Variants in FAM227B observed in about 807,000 individuals in gnomAD.
FAM227B encodes protein FAM227B.
In FAM227B, 88 loss-of-function variants were observed where a neutral mutation model predicts 73.8. The observed-to-expected ratio is 1.19, with a 90% CI of 1.00 to 1.42. The LOEUF (loss-of-function observed/expected upper bound fraction) is 1.42. Ranked by LOEUF, FAM227B falls within the 40% of genes most tolerant of loss-of-function variation. The pLI is 0.00. For missense variants in FAM227B, 632 were observed against 590.9 expected (o/e 1.07, Z -0.72); for synonymous variants, 210 against 190.5 (o/e 1.10, Z -0.84).
chr15:49,327,894 A>C lies in FAM227B; in HGVS notation c.*674T>G, dbSNP rs751062599. ...TAGGCTATGTGTTCTACAAACACCA[A>C]GCAAATCCCTTGTATTTTCATTTAT... On this transcript the variant is annotated 3_prime_UTR_variant, in exon 16 of 16. Transcript: ENST00000299338. The C allele has an allele frequency of 5.2e-6, 8 of 1,535,858 alleles. No homozygotes were observed. The highest frequency in any genetic ancestry group is 5.3e-6 in the Non-Finnish European group (6 of 1,128,062).
chr15:49,613,111 G>C (rs1251747038), intron 2 of FAM227B, among the ~76,000 whole-genome samples: 1 of 152,180 alleles, frequency 6.6e-6, no homozygotes, highest in Non-Finnish European at 1.5e-5. Context: ...CACACTTTGG[G>C]AGGCCAAGAC....
intron 14 of FAM227B, among the ~76,000 whole-genome samples, chr15:49,333,332 A>G (rs886745257): frequency 7.2e-5 from 11 of 152,194 alleles, no homozygotes; most frequent in South Asian, 2.1e-4. Flanking sequence ...CATTGTGCCT[A>G]TAACTTTAAC....
chr15:49,379,923 C>T (rs1396918700), intron 11 of FAM227B, among the ~76,000 whole-genome samples: 1 of 152,198 alleles, frequency 6.6e-6, no homozygotes, highest in African/African-American at 2.4e-5. Flanking sequence ...GGCCCCAGGG[C>T]TTTACAATCA....
Position 49,510,980 on chromosome 15 carries a change from TC to T in FAM227B, c.875-2633del, listed in dbSNP as rs1374240749. On this transcript the variant is annotated intron_variant, in intron 10 of 15. Coordinates refer to ENST00000299338, the MANE Select transcript of FAM227B (RefSeq NM_152647.3). ...TGGAAGTTTTTTTTTTTTAGCATTT[TC>T]TTTTTGTTCTCTGGGTTCTGAGGAC... Among the ~76,000 whole-genome samples, 24 of 152,120 alleles carry T rather than the reference TC, an allele frequency of 1.6e-4. No individual in the cohort carries two copies. In the East Asian group the frequency reaches 3.9e-3, roughly 24 times the overall value.
intron 11 of FAM227B, among the ~76,000 whole-genome samples, chr15:49,452,330 G>C (rs945235850): frequency 6.6e-6 from 1 of 152,130 alleles, no homozygotes; most frequent in Non-Finnish European, 1.5e-5. Context: ...TGGGATTACA[G>C]GTGTGAGCCA....
intron 15 of FAM227B, 124 bp from the exon 16 acceptor site, chr15:49,328,799 A>C (rs1246841769): frequency 7.0e-7 from 1 of 1,423,506 alleles, no homozygotes; most frequent in East Asian, 2.5e-5. Flanking sequence ...TGACAAAAGG[A>C]GGATACAGGA....
At chr15:49,536,983 A>G (rs1445933221) in intron 10 of FAM227B, among the ~76,000 whole-genome samples, 6 of 152,130 alleles carry the variant, frequency 3.9e-5, no homozygotes, top group Non-Finnish European at 8.8e-5. Context: ...AACATAGGGC[A>G]ATAGCTTCTT....
At position 49,328,129 on chromosome 15, in the gene FAM227B, A is replaced by G; in HGVS notation, c.*439T>C. 3 of 1,614,020 alleles carry G rather than the reference A, an allele frequency of 1.9e-6. No individual in the cohort carries two copies. The highest frequency in any genetic ancestry group is 2.5e-6 in the Non-Finnish European group (3 of 1,179,970). On this transcript the variant is annotated 3_prime_UTR_variant, in exon 16 of 16. Coordinates refer to ENST00000299338, the MANE Select transcript of FAM227B (RefSeq NM_152647.3). ...AAAGTTTGTTTGCTACCAAACCTGG[A>G]GGTGGGGCTTTGGTTTTGCTTGAGG...
chr15:49,521,975 G>A (rs1176998730), intron 10 of FAM227B, among the ~76,000 whole-genome samples: 1 of 152,060 alleles, frequency 6.6e-6, no homozygotes. Context: ...CTGGCTTCCA[G>A]TCTTAAGCAC....
intron 10 of FAM227B, among the ~76,000 whole-genome samples, chr15:49,521,606 G>C (rs2152171938): frequency 6.6e-6 from 1 of 152,188 alleles, no homozygotes; most frequent in East Asian, 1.9e-4. Flanking sequence ...TGCACAAAGG[G>C]AGGGCTTATC....
In FAM227B at chr15:49,577,631, C is replaced by G. The variant is rs770891738; in HGVS notation, c.439G>C (p.Glu147Gln). 7 of 1,557,530 alleles carry G rather than the reference C, an allele frequency of 4.5e-6. No homozygotes were observed. The highest frequency in any genetic ancestry group is 6.1e-6 in the Non-Finnish European group (7 of 1,139,482). The change falls in exon 6 of 16, where the codon GAG becomes CAG. Residue 147 changes from glutamate to glutamine, a missense_variant and splice_region_variant. Glu to Gln is a conservative substitution (Grantham distance 29). Coordinates refer to ENST00000299338, the MANE Select transcript of FAM227B (RefSeq NM_152647.3). ...GGCAGAACAGAAATTTTAAGTACCT[C>G]TATATTCTTCTCTGTCTCCATTTCA... The part of the protein sequence containing the change: ...SDEMETEKNI[E>Q]GCSFTGFKAN...
chr15:49,331,804 G>C lies in FAM227B; in HGVS notation c.1395C>G (p.Asp465Glu), dbSNP rs1479407655. ...ATKKPHEVKQ[D>E]FEKFLHKLRS... The stretch of plus-strand genomic sequence containing the variant: ...CCAGTTTATGTAGGAACTTCTCAAA[G>C]TCCTGTTTCACTTCATGAGGTTTCT... Residue 465 changes from aspartate (D) to glutamate (E), a missense_variant, in exon 15 of 16, where the codon GAC becomes GAG. Coordinates refer to ENST00000299338, the MANE Select transcript of FAM227B (RefSeq NM_152647.3). 2.5e-6 allele frequency: 4 copies of C among 1,610,246 alleles called. No individual in the cohort carries two copies. The highest frequency in any genetic ancestry group is 3.4e-6 in the Non-Finnish European group (4 of 1,176,672).
At position 49,457,810 on chromosome 15, in the gene FAM227B, T is replaced by A. The variant is rs117283437; in HGVS notation, c.1012+50401A>T. Among the ~76,000 whole-genome samples the A allele has an allele frequency of 2.6e-5, 4 of 152,098 alleles. No individual in the cohort carries two copies. The East Asian group carries it at 7.7e-4, about 29-fold the overall frequency. ...TTATATTAGAGAATAGGAATTTTTA[T>A]AGTCATCAGTTAAATGGTATACTTT... On this transcript the variant is annotated intron_variant, in intron 11 of 15. Coordinates refer to ENST00000299338, the MANE Select transcript of FAM227B (RefSeq NM_152647.3).
At chr15:49,590,031 A>C (rs368111267) in intron 3 of FAM227B, 24 bp from the exon 4 acceptor site, 29 of 1,167,812 alleles carry the variant, frequency 2.5e-5, no homozygotes, top group Non-Finnish European at 3.3e-5. Flanking sequence ...GAAAGAGAGA[A>C]TATAGCTTAA....
intron 9 of FAM227B, among the ~76,000 whole-genome samples, chr15:49,554,929 C>A (rs1013467056): frequency 2.0e-5 from 3 of 152,046 alleles, no homozygotes; most frequent in Non-Finnish European, 4.4e-5. Context: ...TTTCTGTTTG[C>A]TAGGTGGATT....
intron 3 of FAM227B, chr15:49,606,316 C>T (rs2077519226): frequency 2.0e-5 from 3 of 152,108 alleles, no homozygotes; most frequent in Admixed American, 1.3e-4. Flanking sequence ...TGAGTTCACA[C>T]TGATGCCTCT....
intron 11 of FAM227B, among the ~76,000 whole-genome samples, chr15:49,400,794 C>T (rs1255668154): frequency 6.6e-6 from 1 of 150,930 alleles, no homozygotes; most frequent in Non-Finnish European, 1.5e-5. Flanking sequence ...AACTGGCTAG[C>T]CATATGCAGA....
intron 11 of FAM227B, among the ~76,000 whole-genome samples, chr15:49,417,998 A>G (rs1036521065): frequency 2.6e-5 from 4 of 152,214 alleles, no homozygotes; most frequent in African/African-American, 7.2e-5. Flanking sequence ...GCCCCATTAA[A>G]AAGTGGGCAA....
chr15:49,589,369 A>G (rs1345724358), intron 4 of FAM227B, among the ~76,000 whole-genome samples: 2 of 152,172 alleles, frequency 1.3e-5, no homozygotes, highest in Admixed American at 6.5e-5. Flanking sequence ...CCAATTTAAC[A>G]AAAGCTTAAC....
Sources: allele counts gnomAD v4.1 joint callset (sites outside exome capture counted in the v4.1 genomes callset), GRCh38; gene constraint gnomAD v4.1.1; transcripts MANE v1.5; gene names NCBI Gene and HGNC (gene_info 2026-07-23, HGNC 2026-07-21).